LAMA3: variants seen among roughly 807,000 people sequenced by gnomAD.
LAMA3 encodes laminin subunit alpha 3.
LAMA3 carries 281 observed loss-of-function variants against 402.0 expected under a neutral mutation model. That is an observed-to-expected ratio of 0.70 (90% confidence interval 0.63 to 0.77). The LOEUF (loss-of-function observed/expected upper bound fraction) is 0.77, where lower values mean the gene tolerates loss of function less well. Ranked by LOEUF, LAMA3 falls within the 30% of genes least tolerant of loss-of-function variation. The probability of loss-of-function intolerance (pLI) is 0.00; values close to 1 mark genes in which losing one functional copy is unlikely to be tolerated. For synonymous variants in LAMA3, 1,431 were observed against 1,558.4 expected (o/e 0.92, Z 1.93); for missense variants, 3,840 against 4,215.5 (o/e 0.91, Z 2.47).
intron 13 of LAMA3, among the ~76,000 whole-genome samples, chr18:23,811,355 C>G (rs1471408630): frequency 6.6e-6 from 1 of 152,162 alleles, no homozygotes; most frequent in Admixed American, 6.5e-5. Flanking sequence ...TTCTCAGACC[C>G]CTTCCTGCGC....
intron 9 of LAMA3, among the ~76,000 whole-genome samples, chr18:23,774,354 A>G (rs2062268084): frequency 6.6e-6 from 1 of 152,240 alleles, no homozygotes; most frequent in Admixed American, 6.5e-5. Flanking sequence ...CATTACCTAA[A>G]TACTTTCACA....
At chr18:23,930,605 G>A (rs1184994126) in intron 64 of LAMA3, among the ~76,000 whole-genome samples, 2 of 152,030 alleles carry the variant, frequency 1.3e-5, no homozygotes, top group South Asian at 2.1e-4. Flanking sequence ...AAACTTAGCC[G>A]GCTGTGGTGG....
intron 27 of LAMA3, 74 bp from the exon 28 acceptor site, chr18:23,842,321 C>T: frequency 6.4e-7 from 1 of 1,573,590 alleles, no homozygotes; most frequent in Admixed American, 1.7e-5. Flanking sequence ...TTTGAATACT[C>T]TATGATTCCA....
rs2082704033 is a variant in LAMA3, at chr18:23,946,163, G to A, written c.9230G>A (p.Gly3077Glu). The A allele has an allele frequency of 1.9e-6, 3 of 1,614,020 alleles. No homozygotes were observed. Among genetic ancestry groups the A allele is most frequent in the Non-Finnish European group, 2.5e-6 (3 of 1,179,926 alleles). Reference protein sequence around the residue: ...KWHTVVFGHDGEKGRLVVDGL... With the variant: ...KWHTVVFGHDEEKGRLVVDGL... ...CTGAAGGTGGTGTTTGGCCATGATG[G>A]GGAAAAGGGGCGCTTGGTTGTGGAT... The change falls in exon 70 of 75, where the codon GGG (glycine) becomes GAG (glutamate). Residue 3077 changes from glycine (G) to glutamate (E), a missense_variant. Around this residue, in one of 3 missense-constraint regions of LAMA3, gnomAD observed 840 missense variants for 981.9 expected, o/e 0.86. Coordinates refer to ENST00000313654, the MANE Select transcript of LAMA3 (RefSeq NM_198129.4).
rs758175093 is a variant in LAMA3 at position 23,903,058 on chromosome 18, T to C, written c.6251T>C (p.Leu2084Pro). 1 of 1,613,168 alleles carries C rather than the reference T, an allele frequency of 6.2e-7. No homozygotes were observed. Among genetic ancestry groups the C allele is most frequent in the East Asian group, 2.2e-5 (1 of 44,866 alleles). The change falls in exon 49 of 75, where the codon CTA becomes CCA. Residue 2084 changes from leucine to proline, a missense_variant. Coordinates refer to ENST00000313654, the MANE Select transcript of LAMA3 (RefSeq NM_198129.4). ...CTGCAGAGTGATTTCACCAAGTATC[T>C]AACCACTGCAGACTCATCTTTGTTG... ...NSLQSDFTKY[L>P]TTADSSLLQT...
intron 1 of LAMA3, among the ~76,000 whole-genome samples, chr18:23,699,967 G>T (rs978038919): frequency 6.6e-6 from 1 of 152,128 alleles, no homozygotes; most frequent in African/African-American, 2.4e-5. Flanking sequence ...TTGCTTTAAA[G>T]ATAATAATAT....
intron 4 of LAMA3, 103 bp downstream of exon 4, chr18:23,749,649 A>G (rs939829782): frequency 2.5e-6 from 2 of 798,404 alleles, no homozygotes; most frequent in Non-Finnish European, 2.3e-6. Flanking sequence ...GACATCTAAC[A>G]TAGATCAAGA....
At chr18:23,790,539 G>A (rs1051155072) in intron 12 of LAMA3, among the ~76,000 whole-genome samples, 1 of 152,178 alleles carries the variant, frequency 6.6e-6, no homozygotes, top group Non-Finnish European at 1.5e-5. Flanking sequence ...CTGAGTATGG[G>A]AAGTAGTTTG....
At chr18:23,802,269 A>G (rs188821452) in intron 12 of LAMA3, among the ~76,000 whole-genome samples, 1 of 152,348 alleles carries the variant, frequency 6.6e-6, no homozygotes, top group Non-Finnish European at 1.5e-5. Context: ...AGGGATACTC[A>G]AACTGTATTT....
intron 12 of LAMA3, chr18:23,796,082 C>T (rs1366950104): frequency 6.7e-6 from 3 of 444,706 alleles, no homozygotes; most frequent in Non-Finnish European, 1.4e-5. Context: ...AGAAACTGAA[C>T]CAGCCAGCAC....
chr18:23,908,033 A>G (rs2081307675), intron 54 of LAMA3, 98 bp downstream of exon 54: 1 of 1,187,218 alleles, frequency 8.4e-7, no homozygotes. Context: ...CTGATCTCAG[A>G]AACTAAAACA....
chr18:23,900,986 G>A (rs1335298384), intron 47 of LAMA3, 141 bp from the exon 48 acceptor site: 2 of 739,368 alleles, frequency 2.7e-6, no homozygotes, highest in African/African-American at 3.5e-5. Flanking sequence ...CTGTGTCAAT[G>A]TGAGTTTCCT....
chr18:23,803,937 T>G (rs975398730), intron 12 of LAMA3, among the ~76,000 whole-genome samples: 1 of 152,206 alleles, frequency 6.6e-6, no homozygotes, highest in Non-Finnish European at 1.5e-5. Context: ...AGCTTACTTG[T>G]GTAGAGGCTG....
chr18:23,752,764 C>A (rs2061775724), intron 5 of LAMA3, among the ~76,000 whole-genome samples: 1 of 152,204 alleles, frequency 6.6e-6, no homozygotes, highest in Non-Finnish European at 1.5e-5. Flanking sequence ...GGAACCAGAA[C>A]AGAACCCCAA....
chr18:23,700,177 CTGTT>C (rs1210482426), intron 1 of LAMA3, among the ~76,000 whole-genome samples: 1 of 152,102 alleles, frequency 6.6e-6, no homozygotes, highest in Non-Finnish European at 1.5e-5. Flanking sequence ...ATGCCCTACT[CTGTT>C]TATGGAGTAG....
At chr18:23,807,988 A>T (rs573949791) in intron 12 of LAMA3, among the ~76,000 whole-genome samples, 1 of 152,210 alleles carries the variant, frequency 6.6e-6, no homozygotes, top group Non-Finnish European at 1.5e-5. Flanking sequence ...GCAGTAGGAG[A>T]TCTGAGTGTT....
chr18:23,913,131 GC>G (rs773991502), intron 56 of LAMA3, among the ~76,000 whole-genome samples: 7 of 152,190 alleles, frequency 4.6e-5, no homozygotes, highest in Non-Finnish European at 7.3e-5. Context: ...CAGCACGTGG[GC>G]ATGTGTGTGT....
At chr18:23,830,007 A>C (rs186288047) in intron 23 of LAMA3, among the ~76,000 whole-genome samples, 49 of 152,262 alleles carry the variant, frequency 3.2e-4, no homozygotes, top group Non-Finnish European at 5.3e-4. Context: ...CTCCTATGGC[A>C]CATGTTTTAT....
Position 23,904,539 on chromosome 18 carries a change from G to T in LAMA3, c.6474-14G>T. On this transcript the variant is annotated splice_polypyrimidine_tract_variant and intron_variant, in intron 50 of 74. Transcript: ENST00000313654. The stretch of plus-strand genomic sequence containing the variant: ...GAAGGCTGTGGGGAGTGGCTAACCT[G>T]CCCTGTCTTCCAGGATCAAGAGAAA... The T allele has an allele frequency of 6.3e-7, 1 of 1,581,816 alleles. No individual in the cohort carries two copies. The highest frequency in any genetic ancestry group is 8.6e-7 in the Non-Finnish European group (1 of 1,163,772).
Sources: allele counts gnomAD v4.1 joint callset (sites outside exome capture counted in the v4.1 genomes callset), GRCh38; gene constraint gnomAD v4.1.1; regional missense constraint gnomAD v4.1.1; transcripts MANE v1.5; gene names NCBI Gene and HGNC (gene_info 2026-07-23, HGNC 2026-07-21).